The following AP2A2 variants were observed in gnomAD, a reference collection of about 807,000 sequenced individuals.
AP2A2 encodes adaptor related protein complex 2 subunit alpha 2, also known as AP-2 complex subunit alpha-2.
Under a neutral mutation model 104.2 loss-of-function variants are expected in AP2A2, and 32 were observed. The ratio of observed to expected loss-of-function variants is 0.31; its 90% CI spans 0.23 to 0.41. The LOEUF is 0.41. Among genes scored for constraint, AP2A2 ranks in the 10% least tolerant of loss-of-function variants. The pLI is 1.00. For synonymous variants in AP2A2, 539 were observed against 533.3 expected (o/e 1.01, Z -0.15); for missense variants, 912 against 1,261.0 (o/e 0.72, Z 4.19).
chr11:981,270 G>T lies in AP2A2; in HGVS notation c.676G>T (p.Val226Leu). 1.2e-6 allele frequency: 2 copies of T among 1,613,436 alleles called. No homozygotes were observed. Among genetic ancestry groups the T allele is most frequent in the Non-Finnish European group, 1.7e-6 (2 of 1,179,646 alleles). The part of the protein sequence containing the change: ...QKNPEEFKTS[V>L]SLAVSRLSRI... ...GAACCCAGAAGAGTTTAAAACCTCC[G>T]TGTCTCTGGCTGTCTCTAGGCTAAG... The change falls in exon 6 of 22, where the codon GTG (valine) becomes TTG (leucine). Residue 226 changes from valine to leucine, a missense_variant. By Grantham distance (32) the Val-to-Leu change is conservative (BLOSUM62 1). Coordinates refer to ENST00000448903, the MANE Select transcript of AP2A2 (RefSeq NM_012305.4).
At chr11:988,449 A>G (rs2133721179) in intron 9 of AP2A2, 103 bp from the exon 10 acceptor site, 1 of 1,430,998 alleles carries the variant, frequency 7.0e-7, no homozygotes. Flanking sequence ...TGTGAGGGAA[A>G]CTCAGAGTGG....
intron 14 of AP2A2, among the ~76,000 whole-genome samples, chr11:994,631 C>T (rs374565980): frequency 2.1e-5 from 3 of 142,044 alleles, no homozygotes; most frequent in Non-Finnish European, 3.1e-5. Context: ...CCCTGCTGGC[C>T]TGTCCCGGGG....
At chr11:944,523 A>G (rs1469207788) in intron 1 of AP2A2, among the ~76,000 whole-genome samples, 3 of 152,190 alleles carry the variant, frequency 2.0e-5, no homozygotes, top group Non-Finnish European at 2.9e-5. Context: ...ACAGAGAAAT[A>G]TCATTCTAGT....
At chr11:943,449 C>G (rs748108437) in intron 1 of AP2A2, 14 of 159,688 alleles carry the variant, frequency 8.8e-5, no homozygotes, top group South Asian at 3.4e-4. Context: ...CGATCTTTAA[C>G]TACGAGGCCC....
chr11:937,470 A>G (rs922267803), intron 1 of AP2A2, among the ~76,000 whole-genome samples: 1 of 151,990 alleles, frequency 6.6e-6, no homozygotes, highest in Non-Finnish European at 1.5e-5. Flanking sequence ...GGGCCAGGCA[A>G]GGTGGTTCAT....
intron 1 of AP2A2, among the ~76,000 whole-genome samples, chr11:935,796 A>G (rs1381519895): frequency 7.1e-6 from 1 of 141,824 alleles, no homozygotes; most frequent in South Asian, 2.3e-4. Context: ...GAGTTTCACC[A>G]TCTTGGCCAG....
intron 1 of AP2A2, among the ~76,000 whole-genome samples, chr11:942,588 G>T (rs1434477624): frequency 6.6e-6 from 1 of 152,216 alleles, no homozygotes; most frequent in Non-Finnish European, 1.5e-5. Flanking sequence ...GTCCAGGGGA[G>T]TTTGGATACT....
At chr11:999,232 T>C (rs764381723) in intron 14 of AP2A2, among the ~76,000 whole-genome samples, 17 of 152,132 alleles carry the variant, frequency 1.1e-4, no homozygotes, top group Non-Finnish European at 2.2e-4. Flanking sequence ...TGCCCCAGGA[T>C]CAAAGAGCAA....
intron 1 of AP2A2, among the ~76,000 whole-genome samples, chr11:931,309 G>T (rs953377446): frequency 1.1e-4 from 16 of 152,174 alleles, no homozygotes; most frequent in African/African-American, 3.9e-4. Context: ...ACTTTCGTTT[G>T]TTTTTACACA....
At chr11:1,003,210 G>A (rs1189756551) in intron 15 of AP2A2, among the ~76,000 whole-genome samples, 1 of 152,236 alleles carries the variant, frequency 6.6e-6, no homozygotes, top group Non-Finnish European at 1.5e-5. Flanking sequence ...CGCATGGGGC[G>A]AGAGGAGAGG....
In AP2A2 at chr11:988,605, G is replaced by A. The variant is rs770771246; in HGVS notation, c.1185G>A (p.Met395Ile). The change falls in exon 10 of 22, where the codon ATG (methionine) becomes ATA (isoleucine). Residue 395 changes from methionine (M) to isoleucine (I), a missense_variant. By Grantham distance (10) the Met-to-Ile change is conservative (BLOSUM62 1). This residue lies in a region of AP2A2 where 350 missense variants were observed against 487.0 expected (regional missense o/e 0.72). Coordinates refer to ENST00000448903, the MANE Select transcript of AP2A2 (RefSeq NM_012305.4). ...GGGCCGTGGACCTCCTCTACGCCAT[G>A]TGCGACCGCAGCAACGCCCCACAGA... is the stretch of plus-strand genomic sequence containing the variant. Reference protein sequence around the residue: ...RQRAVDLLYAMCDRSNAPQIV... With the variant: ...RQRAVDLLYAICDRSNAPQIV... 1.2e-5 allele frequency: 20 copies of A among 1,613,466 alleles called. No homozygotes were observed. Among genetic ancestry groups the A allele is most frequent in the Non-Finnish European group, 1.7e-5 (20 of 1,179,902 alleles).
intron 1 of AP2A2, chr11:933,616 T>G (rs1564778461): frequency 1.5e-5 from 7 of 456,248 alleles, no homozygotes; most frequent in South Asian, 7.7e-5. Flanking sequence ...GAAGCAGCCC[T>G]ATTTTAAATA....
At chr11:959,343 C>A in intron 1 of AP2A2, 94 bp from the exon 2 acceptor site, 1 of 851,740 alleles carries the variant, frequency 1.2e-6, no homozygotes, top group Non-Finnish European at 1.9e-6. Flanking sequence ...GGGCCTCATC[C>A]CATTCGTGAG....
At chr11:1,006,070 A>G (rs1344069048) in intron 16 of AP2A2, among the ~76,000 whole-genome samples, 1 of 152,242 alleles carries the variant, frequency 6.6e-6, no homozygotes, top group Admixed American at 6.5e-5. Flanking sequence ...GGGTCCCCTG[A>G]CAGGAGGCAG....
At chr11:982,290 A>G (rs769724252) in intron 6 of AP2A2, among the ~76,000 whole-genome samples, 2 of 152,180 alleles carry the variant, frequency 1.3e-5, no homozygotes, top group African/African-American at 4.8e-5. Context: ...ACCTCAAGCA[A>G]TCTTCCTGCT....
At chr11:938,765 T>C (rs541645516) in intron 1 of AP2A2, among the ~76,000 whole-genome samples, 1 of 152,242 alleles carries the variant, frequency 6.6e-6, no homozygotes, top group South Asian at 2.1e-4. Context: ...TGAGCCGCTG[T>C]GCCCGGCCCA....
At chr11:978,560 G>A (rs557722011) in intron 5 of AP2A2, among the ~76,000 whole-genome samples, 1 of 152,300 alleles carries the variant, frequency 6.6e-6, no homozygotes, top group African/African-American at 2.4e-5. Context: ...TCATCCTGAA[G>A]GGACGCCACA....
chr11:1,006,206 G>C (rs375564175), intron 16 of AP2A2, among the ~76,000 whole-genome samples: 1 of 152,230 alleles, frequency 6.6e-6, no homozygotes. Flanking sequence ...GCCTGCAGAC[G>C]GGGCGTTCTG....
At chr11:999,656 C>T (rs978035996) in intron 14 of AP2A2, among the ~76,000 whole-genome samples, 8 of 151,968 alleles carry the variant, frequency 5.3e-5, no homozygotes, top group African/African-American at 9.6e-5. Flanking sequence ...TAAAAGTATC[C>T]GTTCTGTAGA....
Sources: allele counts gnomAD v4.1 joint callset (sites outside exome capture counted in the v4.1 genomes callset), GRCh38; gene constraint gnomAD v4.1.1; regional missense constraint gnomAD v4.1.1; transcripts MANE v1.5; gene names NCBI Gene and HGNC (gene_info 2026-07-23, HGNC 2026-07-21).